Variants in NPR3 observed in about 807,000 individuals in gnomAD.
The protein encoded by NPR3 is natriuretic peptide receptor 3.
Under a neutral mutation model 54.5 loss-of-function variants are expected in NPR3, and 34 were observed. The observed-to-expected ratio is 0.62, with a 90% CI of 0.47 to 0.83. The LOEUF (loss-of-function observed/expected upper bound fraction) is 0.83. Ranked by LOEUF, NPR3 falls within the 40% of genes least tolerant of loss-of-function variation. The pLI, the probability that NPR3 is intolerant of heterozygous loss-of-function variation, is 0.00. For missense variants in NPR3, 674 were observed against 720.8 expected, an observed-to-expected ratio of 0.94 and a Z score of 0.74; for synonymous variants, 289 against 297.1, an observed-to-expected ratio of 0.97 and a Z score of 0.28.
At chr5:32,744,161 T>A (rs569892495) in intron 3 of NPR3, among the ~76,000 whole-genome samples, 1 of 151,954 alleles carries the variant, frequency 6.6e-6, no homozygotes, top group Non-Finnish European at 1.5e-5. Flanking sequence ...CCTGGCTAAT[T>A]TTTGTATTTT....
At chr5:32,749,607 T>C (rs1740474191) in intron 3 of NPR3, among the ~76,000 whole-genome samples, 1 of 152,216 alleles carries the variant, frequency 6.6e-6, no homozygotes. Context: ...CTTAGGTTGT[T>C]CAGTTTCACT....
At chr5:32,784,568 T>C (rs2112076092) in intron 6 of NPR3, among the ~76,000 whole-genome samples, 1 of 152,342 alleles carries the variant, frequency 6.6e-6, no homozygotes, top group East Asian at 1.9e-4. Flanking sequence ...ATAGTGTTTT[T>C]GTTTATCTGG....
At chr5:32,735,322 T>C (rs754636853) in intron 2 of NPR3, among the ~76,000 whole-genome samples, 1 of 152,178 alleles carries the variant, frequency 6.6e-6, no homozygotes, top group Non-Finnish European at 1.5e-5. Context: ...ATCTGTGACA[T>C]GCCTCCCTCT....
intron 1 of NPR3, among the ~76,000 whole-genome samples, chr5:32,721,635 A>T (rs1351262847): frequency 2.0e-5 from 3 of 152,216 alleles, no homozygotes; most frequent in African/African-American, 7.2e-5. Flanking sequence ...ACAGAGTGAG[A>T]GTCTGTCTCC....
At chr5:32,724,385 G>A (rs1313984699) in intron 1 of NPR3, among the ~76,000 whole-genome samples, 1 of 152,142 alleles carries the variant, frequency 6.6e-6, no homozygotes, top group Non-Finnish European at 1.5e-5. Flanking sequence ...CATCCCCCAA[G>A]TTGGGTTTGT....
chr5:32,773,808 G>T (rs1488645807), intron 3 of NPR3, among the ~76,000 whole-genome samples: 2 of 152,182 alleles, frequency 1.3e-5, no homozygotes, highest in Non-Finnish European at 2.9e-5. Flanking sequence ...AAATTGATAT[G>T]TGCCAGGCAT....
chr5:32,765,772 G>C (rs1406782205), intron 3 of NPR3, among the ~76,000 whole-genome samples: 1 of 152,190 alleles, frequency 6.6e-6, no homozygotes, highest in African/African-American at 2.4e-5. Context: ...GTGTCCGTAG[G>C]GGTCTTTGGA....
chr5:32,709,467 A>G (rs549892602), upstream of NPR3: 1 of 151,568 alleles, frequency 6.6e-6, no homozygotes, highest in Admixed American at 6.6e-5. Flanking sequence ...CAAATTCAGG[A>G]AAGATTTAAT....
chr5:32,775,062 T>C (rs932694475), intron 4 of NPR3, among the ~76,000 whole-genome samples: 3 of 152,232 alleles, frequency 2.0e-5, no homozygotes, highest in Non-Finnish European at 4.4e-5. Context: ...CCTTGTCTCC[T>C]GATTATTTAG....
At chr5:32,761,791 A>G (rs1416423368) in intron 3 of NPR3, among the ~76,000 whole-genome samples, 2 of 150,970 alleles carry the variant, frequency 1.3e-5, no homozygotes, top group East Asian at 1.9e-4. Context: ...ACTCAAAAAT[A>G]TAATTTTTTT....
rs1357335633 is a variant in NPR3 at position 32,788,808 on chromosome 5, A to C, written c.*2463A>C. 6.6e-6 allele frequency: 1 copy of C among 152,220 alleles called. No individual in the cohort carries two copies. The highest frequency in any genetic ancestry group is 1.5e-5 in the Non-Finnish European group (1 of 68,036). The allele number at this position is 152,220 out of a possible 1,614,324, so 9.4% of individuals were successfully genotyped here. ...CTGGATGCTATACCAATTTAAAATC[A>C]ATTCTTATGTTAATATTGATTGCTT... is the stretch of plus-strand genomic sequence containing the variant. On this transcript the variant is annotated 3_prime_UTR_variant, in exon 8 of 8. Coordinates refer to ENST00000265074, the MANE Select transcript of NPR3 (RefSeq NM_001204375.2).
intron 3 of NPR3, among the ~76,000 whole-genome samples, chr5:32,769,953 C>A (rs1741667842): frequency 6.6e-6 from 1 of 152,224 alleles, no homozygotes; most frequent in Non-Finnish European, 1.5e-5. Context: ...TGAGCACCAA[C>A]TCTTTGTGAT....
At chr5:32,748,000 TA>T (rs1177083854) in intron 3 of NPR3, among the ~76,000 whole-genome samples, 1 of 152,170 alleles carries the variant, frequency 6.6e-6, no homozygotes, top group Non-Finnish European at 1.5e-5. Flanking sequence ...GCAATCCTCC[TA>T]CCTCAGCCTC....
chr5:32,754,867 T>C (rs1334289472), intron 3 of NPR3, among the ~76,000 whole-genome samples: 1 of 152,198 alleles, frequency 6.6e-6, no homozygotes, highest in Admixed American at 6.5e-5. Flanking sequence ...ATTTAATTTC[T>C]TTTTTTCTTT....
intron 3 of NPR3, among the ~76,000 whole-genome samples, chr5:32,742,581 T>A (rs1387475638): frequency 6.6e-6 from 1 of 152,138 alleles, no homozygotes; most frequent in East Asian, 1.9e-4. Flanking sequence ...AAACTTTAAA[T>A]GGCCTTGGGT....
At chr5:32,753,797 A>G (rs1740698064) in intron 3 of NPR3, among the ~76,000 whole-genome samples, 2 of 152,150 alleles carry the variant, frequency 1.3e-5, no homozygotes, top group Non-Finnish European at 2.9e-5. Flanking sequence ...GTCACAGGAG[A>G]TGAGAGTGTT....
At chr5:32,761,398 AT>A (rs1187722533) in intron 3 of NPR3, among the ~76,000 whole-genome samples, 1 of 152,078 alleles carries the variant, frequency 6.6e-6, no homozygotes, top group African/African-American at 2.4e-5. Flanking sequence ...CACATTTCTG[AT>A]TTTTAAAAAA....
intron 3 of NPR3, among the ~76,000 whole-genome samples, chr5:32,762,870 C>T (rs1741251993): frequency 6.6e-6 from 1 of 152,116 alleles, no homozygotes; most frequent in Admixed American, 6.6e-5. Flanking sequence ...CTTTTGTTGC[C>T]ATTGCTTTTG....
At chr5:32,706,944 A>G (rs1738009351), upstream of NPR3, among the ~76,000 whole-genome samples, 1 of 152,162 alleles carries the variant, frequency 6.6e-6, no homozygotes, top group South Asian at 2.1e-4. Flanking sequence ...TTAAATTTTT[A>G]TCTTTTAATT....
Sources: gnomAD v4.1 joint callset for allele counts (sites outside exome capture counted in the v4.1 genomes callset) on GRCh38, gnomAD v4.1.1 for gene constraint, MANE v1.5 for transcripts, NCBI Gene and HGNC (gene_info 2026-07-23, HGNC 2026-07-21) for gene names.